Variants in LDB2 observed in about 807,000 individuals in gnomAD.
The protein encoded by LDB2 is LIM domain binding 2, also known as LIM domain-binding protein 2.
A neutral mutation model predicts 44.3 loss-of-function variants in LDB2; 12 were observed. The ratio of observed to expected loss-of-function variants is 0.27; its 90% confidence interval spans 0.17 to 0.44. The LOEUF (loss-of-function observed/expected upper bound fraction) is 0.44. Among genes scored for constraint, LDB2 ranks in the 20% least tolerant of loss-of-function variants. The pLI, the probability that LDB2 is intolerant of heterozygous loss-of-function variation, is 1.00. For missense variants in LDB2, 344 were observed against 473.5 expected, an observed-to-expected ratio of 0.73 and a Z score of 2.54; for synonymous variants, 164 against 174.8, an observed-to-expected ratio of 0.94 and a Z score of 0.49.
At chr4:16,657,671 A>G (rs1043169799) in intron 2 of LDB2, among the ~76,000 whole-genome samples, 3 of 152,136 alleles carry the variant, frequency 2.0e-5, no homozygotes, top group African/African-American at 7.2e-5. Context: ...CTTGGACCAT[A>G]TCAAGCTTAT....
chr4:16,571,242 T>G (rs768466735), intron 5 of LDB2, among the ~76,000 whole-genome samples: 2 of 152,174 alleles, frequency 1.3e-5, no homozygotes, highest in Non-Finnish European at 2.9e-5. Flanking sequence ...CACAGCTTGA[T>G]CTACATTTTT....
At chr4:16,646,881 T>C (rs1736943309) in intron 2 of LDB2, among the ~76,000 whole-genome samples, 1 of 152,202 alleles carries the variant, frequency 6.6e-6, no homozygotes, top group African/African-American at 2.4e-5. Context: ...GCAGCCACTT[T>C]GGAAAACAGT....
At chr4:16,644,746 T>C (rs987333181) in intron 2 of LDB2, among the ~76,000 whole-genome samples, 8 of 152,108 alleles carry the variant, frequency 5.3e-5, no homozygotes, top group African/African-American at 1.4e-4. Flanking sequence ...CAATTTTTTG[T>C]CTTACACTTT....
At chr4:16,813,931 G>A (rs1226976554) in intron 1 of LDB2, among the ~76,000 whole-genome samples, 1 of 151,386 alleles carries the variant, frequency 6.6e-6, no homozygotes, top group African/African-American at 2.4e-5. Flanking sequence ...GAGTGCAGTG[G>A]CGCGATCTCG....
intron 2 of LDB2, among the ~76,000 whole-genome samples, chr4:16,679,840 G>A (rs1747361973): frequency 6.6e-6 from 1 of 152,212 alleles, no homozygotes; most frequent in Non-Finnish European, 1.5e-5. Context: ...CAGGGTCAGT[G>A]CAGGGAGACT....
At chr4:16,584,146 T>A (rs905659759) in intron 5 of LDB2, among the ~76,000 whole-genome samples, 3 of 152,012 alleles carry the variant, frequency 2.0e-5, no homozygotes, top group Non-Finnish European at 2.9e-5. Context: ...ACACAGAAGG[T>A]CTCAATACAT....
chr4:16,789,521 T>C (rs555196258), intron 1 of LDB2, among the ~76,000 whole-genome samples: 2 of 152,346 alleles, frequency 1.3e-5, no homozygotes, highest in East Asian at 1.9e-4. Flanking sequence ...TAGTTTTTCA[T>C]TGGCAGTTGT....
chr4:16,741,423 A>G (rs534439909), intron 2 of LDB2: 2 of 152,366 alleles, frequency 1.3e-5, no homozygotes, highest in South Asian at 4.1e-4. Context: ...ACCACGCGCT[A>G]TGAAAGCTGT....
At chr4:16,888,426 A>C (rs1028958730) in intron 1 of LDB2, among the ~76,000 whole-genome samples, 1 of 152,168 alleles carries the variant, frequency 6.6e-6, no homozygotes, top group Non-Finnish European at 1.5e-5. Context: ...CTAGCCTTGA[A>C]TTTGCAGGAG....
At chr4:16,752,540 A>C (rs915923721) in intron 2 of LDB2, 1 of 372,794 alleles carries the variant, frequency 2.7e-6, no homozygotes, top group Non-Finnish European at 5.2e-6. Context: ...AATAATGGGA[A>C]CTCCATGGTA....
chr4:16,897,927 T>TACAC (rs1561574694), intron 1 of LDB2, among the ~76,000 whole-genome samples: 67 of 16,928 alleles, frequency 4.0e-3, no homozygotes, highest in Admixed American at 0.011. Context: ...TATATATATA[T>TACAC]ATATATATAT....
At chr4:16,883,214 G>A (rs759424234) in intron 1 of LDB2, among the ~76,000 whole-genome samples, 3 of 152,188 alleles carry the variant, frequency 2.0e-5, no homozygotes, top group South Asian at 2.1e-4. Flanking sequence ...CCAAAAATAC[G>A]TTATTTACCT....
chr4:16,562,768 T>G (rs868223957), intron 5 of LDB2, among the ~76,000 whole-genome samples: 1 of 152,208 alleles, frequency 6.6e-6, no homozygotes, highest in Non-Finnish European at 1.5e-5. Flanking sequence ...CATGCACACG[T>G]ATGTTTATTG....
chr4:16,660,576 C>A (rs76002340), intron 2 of LDB2, among the ~76,000 whole-genome samples: 1 of 152,144 alleles, frequency 6.6e-6, no homozygotes, highest in Non-Finnish European at 1.5e-5. Context: ...ATTTACTGTG[C>A]GCCTACTACA....
chr4:16,586,487 T>TACACACACACACACACACACAC (rs5856368), intron 4 of LDB2, among the ~76,000 whole-genome samples: 1 of 128,840 alleles, frequency 7.8e-6, no homozygotes, highest in Non-Finnish European at 1.7e-5. Context: ...TGTCTTGAAA[T>TACACACACACACACACACACAC]ACACACACAC....
intron 1 of LDB2, among the ~76,000 whole-genome samples, chr4:16,780,493 G>C (rs76266916): frequency 0.013 from 1,969 of 152,206 alleles, 34 homozygotes; most frequent in East Asian, 0.078. Flanking sequence ...AAAGTGATGG[G>C]ATTTCAGGTG....
At chr4:16,864,588 G>A (rs1395642574) in intron 1 of LDB2, among the ~76,000 whole-genome samples, 1 of 152,140 alleles carries the variant, frequency 6.6e-6, no homozygotes, top group African/African-American at 2.4e-5. Context: ...AAAGGAATCT[G>A]TCACAGAGAC....
chr4:16,517,958 G>T (rs1724474972), intron 5 of LDB2, among the ~76,000 whole-genome samples: 1 of 152,124 alleles, frequency 6.6e-6, no homozygotes, highest in Non-Finnish European at 1.5e-5. Flanking sequence ...TTTATAGCAA[G>T]GAGTCATTTG....
At chr4:16,662,510 A>G (rs1273879757) in intron 2 of LDB2, among the ~76,000 whole-genome samples, 1 of 152,164 alleles carries the variant, frequency 6.6e-6, no homozygotes, top group Non-Finnish European at 1.5e-5. Context: ...AAGATTTTAA[A>G]GTTAAACTCA....
Sources: allele counts gnomAD v4.1 joint callset (sites outside exome capture counted in the v4.1 genomes callset), GRCh38; gene constraint gnomAD v4.1.1; transcripts MANE v1.5; gene names NCBI Gene and HGNC (gene_info 2026-07-23, HGNC 2026-07-21).